CAMTA2: variants seen among roughly 807,000 people sequenced by gnomAD.
CAMTA2 encodes the protein calmodulin-binding transcription activator 2.
In CAMTA2, 56 loss-of-function variants were observed where a neutral mutation model predicts 135.7. That is an observed-to-expected ratio of 0.41 (90% CI 0.33 to 0.52). The LOEUF (loss-of-function observed/expected upper bound fraction) is 0.52, where lower values mean the gene tolerates loss of function less well. Ranked by LOEUF, CAMTA2 falls within the 20% of genes least tolerant of loss-of-function variation. CAMTA2 has a pLI of 0.16. For synonymous variants in CAMTA2, 591 were observed against 604.6 expected, an observed-to-expected ratio of 0.98 and a Z score of 0.33; for missense variants, 1,358 against 1,553.4, an observed-to-expected ratio of 0.87 and a Z score of 2.11.
At chr17:4,972,595 T>C (rs1436328359) in intron 15 of CAMTA2, 59 bp from the exon 16 acceptor site, 1 of 1,538,136 alleles carries the variant, frequency 6.5e-7, no homozygotes, top group Non-Finnish European at 8.9e-7. Context: ...CTCGCTCAAG[T>C]CTCCTGCCTT....
Position 4,970,476 on chromosome 17 carries a change from C to G in CAMTA2, c.2869G>C (p.Glu957Gln). The change falls in exon 17 of 23, where the codon GAG becomes CAG. Residue 957 changes from glutamate (E) to glutamine (Q), a missense_variant. Physicochemically the swap from Glu to Gln is conservative, Grantham distance 29. Around this residue, in one of 4 missense-constraint regions of CAMTA2, gnomAD observed 1,077 missense variants for 1,127.5 expected, o/e 0.96. Transcript: ENST00000348066. ...GCCTCGGGCAGCCCCACGAAGTCCT[C>G]TCGTTTAATCCGCTCCGGTGTGGCT... is the stretch of plus-strand genomic sequence containing the variant. ...IEATPERIKR[E>Q]DFVGLPEAGA... The G allele has an allele frequency of 1.9e-6, 3 of 1,614,134 alleles. No homozygotes were observed. Among genetic ancestry groups the G allele is most frequent in the Non-Finnish European group, 2.5e-6 (3 of 1,180,040 alleles).
Position 4,968,357 on chromosome 17 carries a change from G to A in CAMTA2, c.*399C>T, listed in dbSNP as rs919387793. 4.3e-5 allele frequency: 14 copies of A among 324,236 alleles called. 1 individual carries two copies. Among genetic ancestry groups the A allele is most frequent in the Non-Finnish European group, 7.6e-5 (13 of 170,390 alleles). 20.1% of individuals were successfully genotyped at this position (324,236 alleles called of 1,614,324 possible). A position where few individuals can be genotyped will look rare whatever the true frequency, so the allele number is the denominator to read the frequency against. The stretch of plus-strand genomic sequence containing the variant: ...GACACGGTCAGCCCTGAAACACGAG[G>A]GGCGTGCGCAGCGAAGGCAGTGGTG... On this transcript the variant is annotated 3_prime_UTR_variant, in exon 23 of 23. Transcript: ENST00000348066.
rs2143123481 is a variant in CAMTA2 at position 4,987,401 on chromosome 17, CG to C, written c.-65+191del. ...GGGGTCTCCGGGACAGTCCCCGGCA[CG>C]CGCTGGTCCGCCGTGGGGCCCTGCG... On this transcript the variant is annotated intron_variant, in intron 1 of 22. Transcript: ENST00000348066. 5 of 1,369,066 alleles carry C rather than the reference CG, an allele frequency of 3.7e-6. No homozygotes were observed. In the South Asian group the frequency reaches 8.6e-5, roughly 23 times the overall value. The allele number at this position is 1,369,066 out of a possible 1,614,324, so 84.8% of individuals were successfully genotyped here. A position where few individuals can be genotyped will look rare whatever the true frequency, so the allele number is the denominator to read the frequency against.
Position 4,981,349 on chromosome 17 carries a change from G to C in CAMTA2, c.576C>G (p.Ile192Met). ...LGQLKPMFHG[I>M]KWSCGNGTEE... ...CTGTTCCATTCCCGCAGCTCCACTT[G>C]ATGCCATGAACTAGAGAAGTTAGGG... The change falls in exon 8 of 23, where the codon ATC (isoleucine) becomes ATG (methionine). Residue 192 changes from isoleucine (I) to methionine (M), a missense_variant. By Grantham distance (10) the Ile-to-Met change is conservative. Coordinates refer to ENST00000348066, the MANE Select transcript of CAMTA2 (RefSeq NM_015099.4). 6.2e-7 allele frequency: 1 copy of C among 1,614,068 alleles called. No individual in the cohort carries two copies. Among genetic ancestry groups the C allele is most frequent in the Non-Finnish European group, 8.5e-7 (1 of 1,179,938 alleles).
chr17:4,981,096 A>G, intron 8 of CAMTA2, 129 bp downstream of exon 8: 2 of 1,199,056 alleles, frequency 1.7e-6, no homozygotes, highest in Non-Finnish European at 2.4e-6. Context: ...CATCTGGCCC[A>G]TCTTTCTGGG....
In CAMTA2 at chr17:4,968,687, C is replaced by G. The variant is rs777113821; in HGVS notation, c.*69G>C. On this transcript the variant is annotated 3_prime_UTR_variant, in exon 23 of 23. Transcript: ENST00000348066. ...GCTGCCGACAGGGGCTCCCCCTGCC[C>G]CAGAAAGCCCTCTCCCTGTTAAGAC... 6.3e-7 allele frequency: 1 copy of G among 1,584,050 alleles called. No homozygotes were observed. The highest frequency in any genetic ancestry group is 8.6e-7 in the Non-Finnish European group (1 of 1,157,266).
intron 13 of CAMTA2, 79 bp from the exon 14 acceptor site, chr17:4,973,332 C>CT: frequency 1.7e-6 from 2 of 1,195,686 alleles, no homozygotes; most frequent in Non-Finnish European, 2.5e-6. Flanking sequence ...AGTAAAGGCA[C>CT]TAGGAGGCAA....
At chr17:4,979,156 G>GA (rs1034771246) in intron 9 of CAMTA2, among the ~76,000 whole-genome samples, 3 of 152,098 alleles carry the variant, frequency 2.0e-5, no homozygotes, top group Non-Finnish European at 4.4e-5. Flanking sequence ...GAGAGGAACA[G>GA]AAAAAAGGTT....
At position 4,972,387 on chromosome 17, in the gene CAMTA2, A is replaced by C; in HGVS notation, c.2653T>G (p.Ser885Ala). Residue 885 changes from serine (S) to alanine (A), a missense_variant, in exon 16 of 23, where the codon TCC (serine) becomes GCC (alanine). Coordinates refer to ENST00000348066, the MANE Select transcript of CAMTA2 (RefSeq NM_015099.4). ...TMEDMAPGQL[S>A]SGVPEAPLLL... ...AGGGGGGCTTCTGGGACACCAGAGG[A>C]AAGCTGGCCTGGGGCCATGTCCTCC... The C allele has an allele frequency of 6.2e-7, 1 of 1,614,054 alleles. No homozygotes were observed. The highest frequency in any genetic ancestry group is 8.5e-7 in the Non-Finnish European group (1 of 1,179,942).
chr17:4,975,769 G>C (rs1972574498), intron 11 of CAMTA2, among the ~76,000 whole-genome samples: 1 of 152,192 alleles, frequency 6.6e-6, no homozygotes, highest in Non-Finnish European at 1.5e-5. Flanking sequence ...CAACAACAAA[G>C]ACACCAAGAG....
At chr17:4,976,430 G>A (rs1328359148) in intron 11 of CAMTA2, among the ~76,000 whole-genome samples, 1 of 152,188 alleles carries the variant, frequency 6.6e-6, no homozygotes, top group Admixed American at 6.5e-5. Context: ...CGGGTGTGGT[G>A]GCTCACGCCT....
At chr17:4,987,024 C>T in intron 1 of CAMTA2, 1 of 1,426,826 alleles carries the variant, frequency 7.0e-7, no homozygotes, top group African/African-American at 1.5e-5. Flanking sequence ...CTGGCGGAGG[C>T]TCTCAGCACG....
chr17:4,977,667 T>G (rs143976367), intron 10 of CAMTA2, among the ~76,000 whole-genome samples: 2 of 152,268 alleles, frequency 1.3e-5, no homozygotes, highest in African/African-American at 2.4e-5. Context: ...GTCCCCAGAT[T>G]CTCTGGTCTC....
At chr17:4,973,149 T>A in intron 14 of CAMTA2, 26 bp downstream of exon 14, 1 of 1,601,856 alleles carries the variant, frequency 6.2e-7, no homozygotes, top group Non-Finnish European at 8.6e-7. Flanking sequence ...CTGCCCCATA[T>A]GCGCTCAGGA....
At position 4,980,318 on chromosome 17, in the gene CAMTA2, G is replaced by A; in HGVS notation, c.1004C>T (p.Ala335Val). Residue 335 changes from alanine (A) to valine (V), a missense_variant, in exon 9 of 23, where the codon GCT (alanine) becomes GTT (valine). By Grantham distance (64) the Ala-to-Val change is moderately conservative. Coordinates refer to ENST00000348066, the MANE Select transcript of CAMTA2 (RefSeq NM_015099.4). The surrounding 1 kb of genome is among the most constrained non-coding windows in gnomAD (Gnocchi z 5.3). ...GTGCCTGGTGGGCGTCAAGCCTCCAGCCCGCTGCTCCAGTCCTGTCAGGAG... is the reference window on the plus strand; with the variant it reads ...GTGCCTGGTGGGCGTCAAGCCTCCAACCCGCTGCTCCAGTCCTGTCAGGAG... ...ILLLTGLEQR[A>V]GGLTPTRHLA... 1 of 1,613,514 alleles carries A rather than the reference G, an allele frequency of 6.2e-7. No individual in the cohort carries two copies. The highest frequency in any genetic ancestry group is 1.1e-5 in the South Asian group (1 of 90,996).
chr17:4,985,081 G>A (rs1973184444), intron 3 of CAMTA2, among the ~76,000 whole-genome samples: 1 of 151,964 alleles, frequency 6.6e-6, no homozygotes, highest in Admixed American at 6.5e-5. Flanking sequence ...AGCTACTTGG[G>A]AGGCTGAGGC....
intron 11 of CAMTA2, 39 bp from the exon 12 acceptor site, chr17:4,974,539 T>TGCCC: frequency 1.6e-6 from 2 of 1,275,036 alleles, no homozygotes; most frequent in Non-Finnish European, 2.3e-6. Flanking sequence ...GTGGGCAGTC[T>TGCCC]AGGTGATGCC....
chr17:4,978,347 C>T (rs551579995), intron 10 of CAMTA2, among the ~76,000 whole-genome samples, 157 bp downstream of exon 10: 2 of 152,330 alleles, frequency 1.3e-5, no homozygotes, highest in African/African-American at 4.8e-5. Flanking sequence ...CTTCTGCCTG[C>T]TGGGAGAGCT....
chr17:4,974,738 T>G, intron 11 of CAMTA2: 1 of 450,004 alleles, frequency 2.2e-6, no homozygotes, highest in East Asian at 4.6e-5. Context: ...CCAAAACTGT[T>G]TCCTTCAAGG....
Sources: gnomAD v4.1 joint callset for allele counts (sites outside exome capture counted in the v4.1 genomes callset) on GRCh38, gnomAD v4.1.1 for gene constraint, gnomAD v4.1.1 regional missense constraint, Gnocchi (gnomAD v3.1) non-coding constraint, MANE v1.5 for transcripts, NCBI Gene and HGNC (gene_info 2026-07-23, HGNC 2026-07-21) for gene names.